TYW1: variants seen among roughly 807,000 people sequenced by gnomAD.
The protein encoded by TYW1 is tRNA-yW synthesizing protein 1 homolog.
A neutral mutation model predicts 96.2 loss-of-function variants in TYW1; 46 were observed. The ratio of observed to expected loss-of-function variants is 0.48; its 90% CI spans 0.38 to 0.61. The LOEUF (loss-of-function observed/expected upper bound fraction) is 0.61, where lower values mean the gene tolerates loss of function less well. Ranked by LOEUF, TYW1 falls within the 20% of genes least tolerant of loss-of-function variation. TYW1 has a pLI of 0.00. For synonymous variants in TYW1, 274 were observed against 323.0 expected, an observed-to-expected ratio of 0.85 and a Z score of 1.63; for missense variants, 684 against 909.6, an observed-to-expected ratio of 0.75 and a Z score of 3.19.
At chr7:67,013,962 C>T (rs1793914785) in intron 4 of TYW1, among the ~76,000 whole-genome samples, 1 of 151,952 alleles carries the variant, frequency 6.6e-6, no homozygotes, top group Non-Finnish European at 1.5e-5. Flanking sequence ...CCAGGATGGT[C>T]TCGATCTCCT....
intron 15 of TYW1, among the ~76,000 whole-genome samples, chr7:67,229,796 G>A (rs531892947): frequency 5.9e-5 from 9 of 152,198 alleles, no homozygotes; most frequent in African/African-American, 2.2e-4. Context: ...TCTACAAAAC[G>A]TTAAAACATT....
intron 13 of TYW1, among the ~76,000 whole-genome samples, chr7:67,151,443 T>C (rs574603065): frequency 6.6e-6 from 1 of 152,138 alleles, no homozygotes; most frequent in Non-Finnish European, 1.5e-5. Context: ...AACCTTCTAC[T>C]GCTCTGCCTT....
intron 9 of TYW1, among the ~76,000 whole-genome samples, chr7:67,058,521 C>T (rs1795599434): frequency 6.6e-6 from 1 of 152,082 alleles, no homozygotes; most frequent in African/African-American, 2.4e-5. Flanking sequence ...CTTGCCCTGT[C>T]ATCCAGTCTA....
At chr7:67,229,299 A>G (rs1356804297) in intron 15 of TYW1, among the ~76,000 whole-genome samples, 1 of 152,136 alleles carries the variant, frequency 6.6e-6, no homozygotes, top group Non-Finnish European at 1.5e-5. Context: ...GCACTTTGGG[A>G]GGCTGAGGCG....
chr7:67,035,751 G>C (rs58285764), intron 7 of TYW1, among the ~76,000 whole-genome samples: 4,201 of 151,958 alleles, frequency 0.028, 80 homozygotes, highest in Non-Finnish European at 0.043. Flanking sequence ...CCATCTCGCT[G>C]ACTGCAACCT....
chr7:67,009,985 C>CTTT (rs1174548567), intron 4 of TYW1, among the ~76,000 whole-genome samples: 1 of 129,740 alleles, frequency 7.7e-6, no homozygotes, highest in Non-Finnish European at 1.7e-5. Context: ...TTTTTCTTTT[C>CTTT]TTTTTTTTTT....
At chr7:67,013,910 A>AT (rs1283662142) in intron 4 of TYW1, among the ~76,000 whole-genome samples, 4 of 151,240 alleles carry the variant, frequency 2.6e-5, no homozygotes, top group Non-Finnish European at 4.4e-5. Context: ...CGCCCGGCTA[A>AT]TTTTTTGTAT....
chr7:67,174,280 C>T (rs1010217204), intron 13 of TYW1, among the ~76,000 whole-genome samples: 10 of 152,050 alleles, frequency 6.6e-5, no homozygotes, highest in Admixed American at 2.0e-4. Context: ...AAAACATAAA[C>T]CCAAACGGGA....
intron 9 of TYW1, among the ~76,000 whole-genome samples, chr7:67,064,029 T>G (rs1795784785): frequency 6.6e-6 from 1 of 152,192 alleles, no homozygotes; most frequent in Admixed American, 6.5e-5. Flanking sequence ...TGCTGAAAAT[T>G]TTTAAAATGC....
chr7:67,209,137 A>G (rs140426741), intron 15 of TYW1, among the ~76,000 whole-genome samples: 5,759 of 152,256 alleles, frequency 0.038, 325 homozygotes, highest in African/African-American at 0.13. Context: ...AGGGTGCAGA[A>G]AGCTCAATGA....
intron 14 of TYW1, among the ~76,000 whole-genome samples, chr7:67,191,283 C>T (rs1800208189): frequency 6.6e-6 from 1 of 152,188 alleles, no homozygotes; most frequent in Non-Finnish European, 1.5e-5. Flanking sequence ...AGTATAGCAG[C>T]CCCCATCTCC....
At chr7:67,161,853 C>T (rs1314746181) in intron 13 of TYW1, among the ~76,000 whole-genome samples, 1 of 151,938 alleles carries the variant, frequency 6.6e-6, no homozygotes, top group Non-Finnish European at 1.5e-5. Flanking sequence ...ACTGCTGTAC[C>T]CCCAGGCATA....
chr7:67,033,882 A>T (rs897741484), intron 7 of TYW1, among the ~76,000 whole-genome samples: 14 of 150,950 alleles, frequency 9.3e-5, no homozygotes, highest in African/African-American at 3.4e-4. Flanking sequence ...TTTAGTAGAG[A>T]CGAGGTTTCA....
At chr7:67,081,165 T>C (rs555075947) in intron 10 of TYW1, among the ~76,000 whole-genome samples, 49 of 151,618 alleles carry the variant, frequency 3.2e-4, no homozygotes, top group African/African-American at 1.0e-3. Context: ...TTTTTACTTG[T>C]CTGGGACAGG....
At chr7:67,133,935 G>T (rs1400513082) in intron 13 of TYW1, among the ~76,000 whole-genome samples, 2 of 151,874 alleles carry the variant, frequency 1.3e-5, no homozygotes, top group Non-Finnish European at 2.9e-5. Context: ...TTATCAGAGA[G>T]TTAGCCCCTC....
At chr7:67,201,882 A>G (rs1259563393) in intron 15 of TYW1, among the ~76,000 whole-genome samples, 1 of 152,188 alleles carries the variant, frequency 6.6e-6, no homozygotes, top group Non-Finnish European at 1.5e-5. Context: ...TTGTTATGAC[A>G]TCATTGAAAG....
At chr7:67,073,766 TCAAAAAA>T (rs1462493775) in intron 10 of TYW1, among the ~76,000 whole-genome samples, 1 of 31,436 alleles carries the variant, frequency 3.2e-5, no homozygotes, top group African/African-American at 1.4e-4. Context: ...GCGAGACTCT[TCAAAAAA>T]AAAAAAAAAA....
At chr7:67,192,638 A>G (rs1206315636) in intron 14 of TYW1, among the ~76,000 whole-genome samples, 1 of 152,172 alleles carries the variant, frequency 6.6e-6, no homozygotes, top group Non-Finnish European at 1.5e-5. Context: ...TGCTTTCGTA[A>G]TGATGTCTTG....
intron 7 of TYW1, among the ~76,000 whole-genome samples, chr7:67,044,389 C>T (rs1163775565): frequency 3.3e-5 from 5 of 152,026 alleles, no homozygotes; most frequent in Non-Finnish European, 7.4e-5. Flanking sequence ...TGAGCCACCA[C>T]GTCCGACCTG....
Sources: allele counts gnomAD v4.1 joint callset (sites outside exome capture counted in the v4.1 genomes callset), GRCh38; gene constraint gnomAD v4.1.1; transcripts MANE v1.5; gene names NCBI Gene and HGNC (gene_info 2026-07-23, HGNC 2026-07-21).